DENND5A: variants seen among roughly 807,000 people sequenced by gnomAD.
The protein encoded by DENND5A is DENN domain containing 5A, also known as DENN domain-containing protein 5A.
DENND5A carries 64 observed loss-of-function variants against 140.3 expected under a neutral mutation model. The observed-to-expected ratio is 0.46, with a 90% CI of 0.37 to 0.56. The LOEUF is 0.56. DENND5A is among the 20% of genes least tolerant of loss of function. The pLI is 0.00. For missense variants in DENND5A, 1,292 were observed against 1,593.8 expected (o/e 0.81, Z 3.22); for synonymous variants, 605 against 607.7 (o/e 1.00, Z 0.07).
intron 1 of DENND5A, among the ~76,000 whole-genome samples, chr11:9,212,212 C>T (rs1849909038): frequency 6.6e-6 from 1 of 151,856 alleles, no homozygotes; most frequent in Non-Finnish European, 1.5e-5. Context: ...ACAGCAAGAC[C>T]CCATCTCTAC....
intron 8 of DENND5A, chr11:9,176,758 C>A: frequency 5.4e-6 from 2 of 373,252 alleles, no homozygotes; most frequent in Admixed American, 3.2e-5. Flanking sequence ...TGGCAAATAC[C>A]ATCAACTGCT....
intron 5 of DENND5A, 89 bp downstream of exon 5, chr11:9,193,405 G>T: frequency 9.7e-7 from 1 of 1,028,212 alleles, no homozygotes; most frequent in Non-Finnish European, 1.3e-6. Flanking sequence ...AAATAAACTT[G>T]GTAACATCAT....
At chr11:9,176,575 T>C (rs1459156041) in intron 8 of DENND5A, among the ~76,000 whole-genome samples, 1 of 152,116 alleles carries the variant, frequency 6.6e-6, no homozygotes, top group Non-Finnish European at 1.5e-5. Flanking sequence ...AATGAGTAAA[T>C]ACAATCTCTG....
At position 9,178,192 on chromosome 11, in the gene DENND5A, C is replaced by T. The variant is rs1796053448; in HGVS notation, c.1846G>A (p.Val616Ile). The T allele has an allele frequency of 6.2e-7, 1 of 1,614,200 alleles. No homozygotes were observed. The highest frequency in any genetic ancestry group is 8.5e-7 in the Non-Finnish European group (1 of 1,180,032). ...SRVDKIRLLN[V>I]RTPTLRTSMY... ...GATGTACGGAGAGTAGGTGTCCGAA[C>T]ATTCAACAGCCTGATCTTGTCAACT... Residue 616 changes from valine to isoleucine, a missense_variant, in exon 8 of 23, where the codon GTT (valine) becomes ATT (isoleucine). By Grantham distance (29) the Val-to-Ile change is conservative (BLOSUM62 3). Coordinates refer to ENST00000328194, the MANE Select transcript of DENND5A (RefSeq NM_015213.4).
At chr11:9,141,844 C>T (rs1847252040) in intron 22 of DENND5A, 96 bp downstream of exon 22, 1 of 1,211,584 alleles carries the variant, frequency 8.3e-7, no homozygotes, top group African/African-American at 1.6e-5. Flanking sequence ...CCTAAGGGCA[C>T]CTGATGAGCC....
intron 1 of DENND5A, among the ~76,000 whole-genome samples, chr11:9,218,153 G>A (rs1004968337): frequency 2.0e-5 from 3 of 151,000 alleles, no homozygotes; most frequent in African/African-American, 5.0e-5. Context: ...CAGCTACTCA[G>A]GAGGCTGAGG....
chr11:9,249,480 C>T (rs772188212), intron 1 of DENND5A, among the ~76,000 whole-genome samples: 38 of 152,254 alleles, frequency 2.5e-4, no homozygotes, highest in Admixed American at 1.8e-3. Flanking sequence ...ATCCTCCCAG[C>T]TCGTCCTCTG....
At chr11:9,174,714 C>T (rs186676200) in intron 8 of DENND5A, among the ~76,000 whole-genome samples, 6 of 150,268 alleles carry the variant, frequency 4.0e-5, no homozygotes, top group Admixed American at 3.3e-4. Context: ...AAAACAACAA[C>T]AAAAAAAATC....
Position 9,144,226 on chromosome 11 carries a change from G to A in DENND5A, c.3175C>T (p.Arg1059Trp), listed in dbSNP as rs1166515980. 10 of 1,614,102 alleles carry A rather than the reference G, an allele frequency of 6.2e-6. No homozygotes were observed. The highest frequency in any genetic ancestry group is 1.1e-5 in the South Asian group (1 of 91,074). ...GTGAGCAGCTCCCCAACTAGGATCCGCTCCAGGCTTCCATCATCCATGCCC... is the reference window on the plus strand; with the variant it reads ...GTGAGCAGCTCCCCAACTAGGATCCACTCCAGGCTTCCATCATCCATGCCC... ...GKGMDDGSLE[R>W]ILVGELLTSQ... is the part of the protein sequence containing the mutation. The change falls in exon 19 of 23, where the codon CGG (arginine) becomes TGG (tryptophan). Residue 1059 changes from arginine to tryptophan, a missense_variant. Physicochemically the swap from Arg to Trp is moderately radical, Grantham distance 101 (BLOSUM62 -3). Coordinates refer to ENST00000328194, the MANE Select transcript of DENND5A (RefSeq NM_015213.4).
chr11:9,260,856 T>C (rs1212677749), intron 1 of DENND5A, among the ~76,000 whole-genome samples: 1 of 152,154 alleles, frequency 6.6e-6, no homozygotes, highest in Non-Finnish European at 1.5e-5. Context: ...TTTAGTTGTA[T>C]TTGTTTATTT....
intron 8 of DENND5A, among the ~76,000 whole-genome samples, chr11:9,177,255 A>G (rs1487016199): frequency 7.2e-6 from 1 of 138,906 alleles, no homozygotes; most frequent in African/African-American, 2.8e-5. Flanking sequence ...CCCTGTCTCG[A>G]AAAAAAAAAA....
Position 9,230,184 on chromosome 11 carries a change from C to T in DENND5A, c.110-22552G>A, listed in dbSNP as rs1427873892. Among the ~76,000 whole-genome samples, 25 of 145,484 alleles carry T rather than the reference C, an allele frequency of 1.7e-4. No individual in the cohort carries two copies. In the East Asian group the frequency reaches 4.2e-3, roughly 24 times the overall value. On this transcript the variant is annotated intron_variant, in intron 1 of 22. Transcript: ENST00000328194. ...TCAGCCTCCCAAAGTGCTGGGATTACAGGCATGAGCCACCGCGCCCGGCCC... is the reference window on the plus strand; with the variant it reads ...TCAGCCTCCCAAAGTGCTGGGATTATAGGCATGAGCCACCGCGCCCGGCCC...
intron 1 of DENND5A, among the ~76,000 whole-genome samples, chr11:9,243,734 A>G (rs1016542174): frequency 6.6e-6 from 1 of 152,024 alleles, no homozygotes; most frequent in Non-Finnish European, 1.5e-5. Context: ...AAAAATACAA[A>G]AATTAGCCGG....
intron 1 of DENND5A, among the ~76,000 whole-genome samples, chr11:9,238,695 T>TAATCTCA (rs1851107187): frequency 6.6e-6 from 1 of 152,082 alleles, no homozygotes; most frequent in Non-Finnish European, 1.5e-5. Context: ...ATTACAGGTG[T>TAATCTCA]GAGCCACTGT....
At chr11:9,245,012 C>T (rs185435228) in intron 1 of DENND5A, among the ~76,000 whole-genome samples, 1,544 of 144,634 alleles carry the variant, frequency 0.011, 10 homozygotes, top group Middle Eastern at 0.017. Context: ...AGGCCGGGTG[C>T]GGTGGCTCAT....
Position 9,204,224 on chromosome 11 carries a change from G to C in DENND5A, c.385C>G (p.Arg129Gly). 1 of 1,614,032 alleles carries C rather than the reference G, an allele frequency of 6.2e-7. No individual in the cohort carries two copies. The highest frequency in any genetic ancestry group is 8.5e-7 in the Non-Finnish European group (1 of 1,180,002). Residue 129 changes from arginine to glycine, a missense_variant, in exon 4 of 23, where the codon CGG becomes GGG. By Grantham distance (125) the Arg-to-Gly change is moderately radical (BLOSUM62 -2). This residue lies in a region of DENND5A where 566 missense variants were observed against 650.4 expected (regional missense o/e 0.87). Coordinates refer to ENST00000328194, the MANE Select transcript of DENND5A (RefSeq NM_015213.4). ...AFIITREDGS[R>G]TFGFALTFYE... ...AATGTGAGGGCAAACCCAAATGTCC[G>C]AGAGCCATCCTCCCTTGTGATAATA... is the stretch of plus-strand genomic sequence containing the variant.
intron 5 of DENND5A, among the ~76,000 whole-genome samples, chr11:9,184,640 C>T (rs1334853523): frequency 6.6e-6 from 1 of 152,164 alleles, no homozygotes; most frequent in Non-Finnish European, 1.5e-5. Flanking sequence ...AATTTGCCAA[C>T]AAAATGAGCA....
intron 1 of DENND5A, among the ~76,000 whole-genome samples, chr11:9,259,788 G>A (rs966920880): frequency 1.3e-5 from 2 of 152,034 alleles, no homozygotes; most frequent in African/African-American, 4.8e-5. Context: ...CAATACTTTG[G>A]GAGGCCAATG....
At chr11:9,177,718 A>AC (rs1848591989) in intron 8 of DENND5A, among the ~76,000 whole-genome samples, 1 of 73,042 alleles carries the variant, frequency 1.4e-5, no homozygotes, top group Non-Finnish European at 2.8e-5. Context: ...CATTGACATC[A>AC]TTTAAAAAAA....
Sources: allele counts gnomAD v4.1 joint callset (sites outside exome capture counted in the v4.1 genomes callset), GRCh38; gene constraint gnomAD v4.1.1; regional missense constraint gnomAD v4.1.1; transcripts MANE v1.5; gene names NCBI Gene and HGNC (gene_info 2026-07-23, HGNC 2026-07-21).